KIF27: variants seen among roughly 807,000 people sequenced by gnomAD.
KIF27 encodes the protein kinesin family member 27, also known as kinesin-like protein KIF27.
KIF27 carries 84 observed loss-of-function variants against 141.8 expected under a neutral mutation model. The ratio of observed to expected loss-of-function variants is 0.59; its 90% confidence interval spans 0.50 to 0.71. The LOEUF (loss-of-function observed/expected upper bound fraction) is 0.71. Ranked by LOEUF, KIF27 falls within the 30% of genes least tolerant of loss-of-function variation. KIF27 has a pLI of 0.00. For missense variants in KIF27, 1,306 were observed against 1,628.4 expected (o/e 0.80, Z 3.41); for synonymous variants, 471 against 569.5 (o/e 0.83, Z 2.46).
chr9:83,913,606 T>G (rs570911177), intron 2 of KIF27, among the ~76,000 whole-genome samples: 286 of 152,260 alleles, frequency 1.9e-3, no homozygotes, highest in Non-Finnish European at 3.2e-3. Flanking sequence ...CCAGCTAATT[T>G]TTGTATTTTT....
chr9:83,846,473 A>G (rs1454277981), intron 16 of KIF27, among the ~76,000 whole-genome samples: 3 of 152,196 alleles, frequency 2.0e-5, no homozygotes, highest in East Asian at 3.9e-4. Flanking sequence ...GAAGGTCCCC[A>G]TCATCCTGAA....
chr9:83,874,728 G>A (rs766725580), intron 11 of KIF27, among the ~76,000 whole-genome samples: 13 of 152,006 alleles, frequency 8.6e-5, no homozygotes, highest in Non-Finnish European at 5.9e-5. Flanking sequence ...GAGCCCAGGA[G>A]TTCGAGATCA....
chr9:83,912,860 A>G (rs1209493222), intron 2 of KIF27, among the ~76,000 whole-genome samples: 1 of 152,146 alleles, frequency 6.6e-6, no homozygotes, highest in Non-Finnish European at 1.5e-5. Flanking sequence ...AATAAGCATC[A>G]TATTTAAAAA....
At chr9:83,894,421 G>T (rs1330147262) in intron 5 of KIF27, among the ~76,000 whole-genome samples, 2 of 152,182 alleles carry the variant, frequency 1.3e-5, no homozygotes, top group African/African-American at 4.8e-5. Context: ...GAGGTTGTCA[G>T]ATGTCTGAGA....
At chr9:83,896,375 C>T (rs1357931211) in intron 5 of KIF27, among the ~76,000 whole-genome samples, 1 of 152,142 alleles carries the variant, frequency 6.6e-6, no homozygotes, top group African/African-American at 2.4e-5. Context: ...AGTCAGGTTG[C>T]TGGATATATA....
In KIF27 at chr9:83,848,109, C is replaced by T. The variant is rs866808038; in HGVS notation, c.3556+1990G>A. On this transcript the variant is annotated intron_variant, in intron 16 of 17. Coordinates refer to ENST00000297814, the MANE Select transcript of KIF27 (RefSeq NM_017576.4). ...CATATATATGATATATATGATATCT[C>T]ATATCTGATATATCTGATATCTCAT... Among the ~76,000 whole-genome samples the T allele has an allele frequency of 9.4e-4, 23 of 24,502 alleles. 2 individuals are homozygous for T. The African/African-American group carries it at 0.011, about 12-fold the overall frequency. 16.1% of individuals were successfully genotyped at this position (24,502 alleles called of 152,430 possible). A position where few individuals can be genotyped will look rare whatever the true frequency, so the allele number is the denominator to read the frequency against.
At chr9:83,913,064 C>T (rs1175400524) in intron 2 of KIF27, among the ~76,000 whole-genome samples, 1 of 151,302 alleles carries the variant, frequency 6.6e-6, no homozygotes, top group Admixed American at 6.6e-5. Flanking sequence ...ACTTAGGAGG[C>T]CAAGGTGGAA....
chr9:83,847,103 T>C (rs1947381451), intron 16 of KIF27, among the ~76,000 whole-genome samples: 1 of 152,074 alleles, frequency 6.6e-6, no homozygotes, highest in Non-Finnish European at 1.5e-5. Context: ...CCTTCAGGAA[T>C]GAAGGGTTGG....
In KIF27 at chr9:83,870,403, G is replaced by T. The variant is rs1247473071; in HGVS notation, c.2757+116C>A. ...GCTGGTCTTGAACTCCTGACCGCAG[G>T]TGATCCACCCACCTCGGCGTCCCAA... On this transcript the variant is annotated intron_variant, in intron 12 of 17. Transcript: ENST00000297814. 2.8e-6 allele frequency: 4 copies of T among 1,443,418 alleles called. No homozygotes were observed. In the Admixed American group the frequency reaches 8.8e-5, roughly 32 times the overall value. 89.4% of individuals were successfully genotyped at this position (1,443,418 alleles called of 1,614,324 possible).
chr9:83,890,177 T>C (rs111327724), intron 6 of KIF27, among the ~76,000 whole-genome samples: 3 of 152,192 alleles, frequency 2.0e-5, no homozygotes, highest in African/African-American at 7.2e-5. Flanking sequence ...GCCCCCGTCA[T>C]GTATTCTCTC....
At chr9:83,899,184 C>T (rs532756851) in intron 5 of KIF27, among the ~76,000 whole-genome samples, 1 of 151,970 alleles carries the variant, frequency 6.6e-6, no homozygotes, top group African/African-American at 2.4e-5. Context: ...TAGAGGCATA[C>T]TATGTTATAC....
Position 83,837,033 on chromosome 9 carries a change from C to T in KIF27, c.4174G>A (p.Val1392Ile). 2 of 1,613,950 alleles carry T rather than the reference C, an allele frequency of 1.2e-6. No homozygotes were observed. The highest frequency in any genetic ancestry group is 1.7e-6 in the Non-Finnish European group (2 of 1,179,860). Residue 1392 changes from valine to isoleucine, a missense_variant, in exon 18 of 18, where the codon GTA (valine) becomes ATA (isoleucine). Coordinates refer to ENST00000297814, the MANE Select transcript of KIF27 (RefSeq NM_017576.4). Reference sequence around the variant, plus strand: ...TTTAAGTCCCTTGGTTTCCTAGATACTTCGATGGAATCAGCAGCCATTGAT... The same window carrying T: ...TTTAAGTCCCTTGGTTTCCTAGATATTTCGATGGAATCAGCAGCCATTGAT... The part of the protein sequence containing the change: ...IGSMAADSIE[V>I]SRKPRDLKT
At chr9:83,867,953 T>C in intron 12 of KIF27, 93 bp from the exon 13 acceptor site, 3 of 1,264,762 alleles carry the variant, frequency 2.4e-6, no homozygotes, top group Non-Finnish European at 3.2e-6. Context: ...TGAAATCTCT[T>C]AAATGAACAT....
intron 16 of KIF27, among the ~76,000 whole-genome samples, chr9:83,847,312 A>C (rs1227233297): frequency 1.3e-5 from 2 of 152,216 alleles, no homozygotes; most frequent in African/African-American, 4.8e-5. Context: ...CACTTGTACT[A>C]AGAAAATATC....
At chr9:83,846,094 A>T (rs1947236360) in intron 16 of KIF27, among the ~76,000 whole-genome samples, 1 of 152,014 alleles carries the variant, frequency 6.6e-6, no homozygotes, top group Admixed American at 6.6e-5. Flanking sequence ...ACCAAGGCTG[A>T]CCTGGCTACG....
chr9:83,865,091 G>A (rs568817993), intron 13 of KIF27, among the ~76,000 whole-genome samples: 10 of 151,964 alleles, frequency 6.6e-5, no homozygotes, highest in African/African-American at 2.4e-4. Flanking sequence ...GAGGCCTAGA[G>A]CCTCACATTA....
At chr9:83,913,711 A>G (rs1375986620) in intron 2 of KIF27, among the ~76,000 whole-genome samples, 4 of 152,218 alleles carry the variant, frequency 2.6e-5, no homozygotes, top group African/African-American at 4.8e-5. Context: ...TGCTGGGATT[A>G]CAGGCGTGAG....
chr9:83,903,340 C>T lies in KIF27; in HGVS notation c.1178G>A (p.Arg393Lys), dbSNP rs755358229. 2.7e-5 allele frequency: 44 copies of T among 1,614,066 alleles called. No individual in the cohort carries two copies. Among genetic ancestry groups the T allele is most frequent in the Non-Finnish European group, 3.1e-5 (36 of 1,180,034 alleles). The change falls in exon 4 of 18, where the codon AGG becomes AAG. Residue 393 changes from arginine to lysine, a missense_variant. By Grantham distance (26) the Arg-to-Lys change is conservative. This residue lies in a region of KIF27 where 533 missense variants were observed against 565.6 expected (regional missense o/e 0.94). Transcript: ENST00000297814. ...TACTTGCTCCTCAAGAGAATGAATC[C>T]TATTTGTATCAGGACTCCCTTCTCG... Reference protein sequence around the residue: ...INREGSPDTNRIHSLEEQVAQ... With the variant: ...INREGSPDTNKIHSLEEQVAQ...
At chr9:83,844,788 G>A (rs1947041491) in intron 16 of KIF27, among the ~76,000 whole-genome samples, 1 of 152,124 alleles carries the variant, frequency 6.6e-6, no homozygotes, top group African/African-American at 2.4e-5. Flanking sequence ...AATTTCTAGG[G>A]GTCCAGTGGT....
Sources: gnomAD v4.1 joint callset for allele counts (sites outside exome capture counted in the v4.1 genomes callset) on GRCh38, gnomAD v4.1.1 for gene constraint, gnomAD v4.1.1 regional missense constraint, MANE v1.5 for transcripts, NCBI Gene and HGNC (gene_info 2026-07-23, HGNC 2026-07-21) for gene names.